CACHD1: variants seen among roughly 807,000 people sequenced by gnomAD.
CACHD1 encodes cache domain containing 1.
A neutral mutation model predicts 138.7 loss-of-function variants in CACHD1; 71 were observed. The ratio of observed to expected loss-of-function variants is 0.51; its 90% CI spans 0.42 to 0.62. CACHD1 has a LOEUF of 0.62. Among genes scored for constraint, CACHD1 ranks in the 20% least tolerant of loss-of-function variants. The pLI is 0.00. For synonymous variants in CACHD1, 578 were observed against 591.5 expected, an observed-to-expected ratio of 0.98 and a Z score of 0.33; for missense variants, 1,389 against 1,625.3, an observed-to-expected ratio of 0.85 and a Z score of 2.50.
chr1:64,536,067 T>C (rs1449717180), intron 1 of CACHD1, among the ~76,000 whole-genome samples: 1 of 152,172 alleles, frequency 6.6e-6, no homozygotes, highest in Non-Finnish European at 1.5e-5. Context: ...TTCCATAAAG[T>C]CTCCTATATA....
intron 4 of CACHD1, among the ~76,000 whole-genome samples, chr1:64,616,409 G>A (rs1433744846): frequency 6.6e-6 from 1 of 152,130 alleles, no homozygotes; most frequent in Non-Finnish European, 1.5e-5. Flanking sequence ...AACATGCTAA[G>A]TGCTGTGATG....
chr1:64,668,185 G>T (rs1346903862), intron 16 of CACHD1, among the ~76,000 whole-genome samples: 2 of 152,064 alleles, frequency 1.3e-5, no homozygotes, highest in African/African-American at 4.8e-5. Context: ...AAATTAGCTG[G>T]GCATGGAGGC....
At chr1:64,597,540 T>G (rs569997268) in intron 3 of CACHD1, among the ~76,000 whole-genome samples, 1,895 of 143,206 alleles carry the variant, frequency 0.013, 19 homozygotes, top group Non-Finnish European at 0.023. Flanking sequence ...TTTTTTTTTT[T>G]TTTTTTTTTT....
chr1:64,486,566 A>C (rs547899232), intron 1 of CACHD1, among the ~76,000 whole-genome samples: 1 of 152,216 alleles, frequency 6.6e-6, no homozygotes, highest in Non-Finnish European at 1.5e-5. Context: ...TAGAAATAAT[A>C]AAGTGTAATC....
chr1:64,685,513 G>A (rs1650338373), intron 26 of CACHD1, among the ~76,000 whole-genome samples: 1 of 152,180 alleles, frequency 6.6e-6, no homozygotes, highest in Non-Finnish European at 1.5e-5. Context: ...GAGCTTAGGA[G>A]ATAGGGTAAA....
chr1:64,603,006 A>G (rs1647240967), intron 4 of CACHD1, 94 bp downstream of exon 4: 2 of 743,384 alleles, frequency 2.7e-6, no homozygotes. Flanking sequence ...TTAATTTTTG[A>G]AGAGAAGTAT....
intron 3 of CACHD1, among the ~76,000 whole-genome samples, chr1:64,592,394 T>G (rs373381740): frequency 6.6e-5 from 10 of 152,062 alleles, no homozygotes; most frequent in African/African-American, 2.4e-4. Flanking sequence ...ATAGGACACA[T>G]GTAGAGTAAG....
chr1:64,620,081 G>A (rs77042443), intron 4 of CACHD1, among the ~76,000 whole-genome samples: 3,079 of 151,994 alleles, frequency 0.02, 94 homozygotes, highest in African/African-American at 0.071. Context: ...GGAATTTTTC[G>A]TTGGTAAAGG....
intron 3 of CACHD1, among the ~76,000 whole-genome samples, chr1:64,598,349 T>C (rs1647175984): frequency 6.6e-6 from 1 of 152,222 alleles, no homozygotes; most frequent in Non-Finnish European, 1.5e-5. Flanking sequence ...GAGTGAATGC[T>C]GCACGGCTGA....
chr1:64,566,478 T>TTCC (rs1183527716), intron 2 of CACHD1, among the ~76,000 whole-genome samples: 2 of 4,998 alleles, frequency 4.0e-4, no homozygotes, highest in Non-Finnish European at 1.2e-3. Context: ...ATGTTTTCAA[T>TTCC]TCCCCCCCCC....
chr1:64,498,615 C>T (rs775407141), intron 1 of CACHD1, among the ~76,000 whole-genome samples: 4 of 152,196 alleles, frequency 2.6e-5, no homozygotes, highest in African/African-American at 4.8e-5. Flanking sequence ...CACACTACAG[C>T]ATCTCTCAGT....
At chr1:64,479,828 T>C (rs1166041645) in intron 1 of CACHD1, among the ~76,000 whole-genome samples, 2 of 152,208 alleles carry the variant, frequency 1.3e-5, no homozygotes, top group Non-Finnish European at 2.9e-5. Flanking sequence ...TTATCAGTGT[T>C]TGAGTTGGGA....
chr1:64,579,956 T>C (rs1458237538), intron 2 of CACHD1: 1 of 153,016 alleles, frequency 6.5e-6, no homozygotes. Flanking sequence ...ATGTGTGTTA[T>C]GAGATGGCTT....
In CACHD1 at chr1:64,527,603, T is replaced by A. The variant is rs553862201; in HGVS notation, c.199-22991T>A. On this transcript the variant is annotated intron_variant, in intron 1 of 26. Coordinates refer to ENST00000651257, the MANE Select transcript of CACHD1 (RefSeq NM_020925.4). ...TCACAAATTCCTGAAAATTTTATAT[T>A]CTTCCTTTTGTTTATAACTTCATCT... Among the ~76,000 whole-genome samples the A allele has an allele frequency of 4.3e-4, 66 of 152,348 alleles. No individual in the cohort carries two copies. In the South Asian group the frequency reaches 0.012, roughly 29 times the overall value.
intron 7 of CACHD1, 123 bp from the exon 8 acceptor site, chr1:64,641,697 A>C (rs1429678033): frequency 4.8e-6 from 3 of 630,366 alleles, no homozygotes; most frequent in African/African-American, 1.9e-5. Context: ...AACAGGAGGG[A>C]CTAGGAACCG....
intron 7 of CACHD1, 53 bp from the exon 8 acceptor site, chr1:64,641,767 C>A (rs747640990): frequency 1.1e-5 from 15 of 1,406,276 alleles, no homozygotes; most frequent in Non-Finnish European, 1.4e-5. Flanking sequence ...AACTGAACTG[C>A]TGCCTTTAGC....
intron 1 of CACHD1, among the ~76,000 whole-genome samples, chr1:64,534,219 CT>C (rs1157414261): frequency 6.6e-6 from 1 of 151,716 alleles, no homozygotes; most frequent in Non-Finnish European, 1.5e-5. Context: ...AATTTTTGTA[CT>C]TTTAGTAGAA....
At chr1:64,567,226 C>G (rs1163924143) in intron 2 of CACHD1, among the ~76,000 whole-genome samples, 1 of 151,890 alleles carries the variant, frequency 6.6e-6, no homozygotes, top group Non-Finnish European at 1.5e-5. Context: ...GAGCTTATCC[C>G]AAGGACGTTG....
At chr1:64,632,870 A>G (rs1648363390) in intron 6 of CACHD1, 127 bp downstream of exon 6, 1 of 1,145,584 alleles carries the variant, frequency 8.7e-7, no homozygotes, top group Admixed American at 2.2e-5. Flanking sequence ...TGATAAATCC[A>G]TCATAAGTTG....
Sources: allele counts gnomAD v4.1 joint callset (sites outside exome capture counted in the v4.1 genomes callset), GRCh38; gene constraint gnomAD v4.1.1; transcripts MANE v1.5; gene names NCBI Gene and HGNC (gene_info 2026-07-23, HGNC 2026-07-21).